Variants in EMB observed in about 807,000 individuals in gnomAD.
The protein encoded by EMB is embigin homolog.
EMB carries 31 observed loss-of-function variants against 41.4 expected under a neutral mutation model. The observed-to-expected ratio is 0.75, with a 90% confidence interval of 0.56 to 1.01. The LOEUF (loss-of-function observed/expected upper bound fraction) is 1.01. Ranked by LOEUF, EMB falls within the 50% of genes least tolerant of loss-of-function variation. The pLI, the probability that EMB is intolerant of heterozygous loss-of-function variation, is 0.00. For synonymous variants in EMB, 137 were observed against 140.4 expected, an observed-to-expected ratio of 0.98 and a Z score of 0.17; for missense variants, 379 against 388.3, an observed-to-expected ratio of 0.98 and a Z score of 0.20.
intron 2 of EMB, among the ~76,000 whole-genome samples, chr5:50,422,510 A>G (rs1384332925): frequency 6.6e-6 from 1 of 152,216 alleles, no homozygotes; most frequent in Admixed American, 6.5e-5. Context: ...TTTCAAAGCT[A>G]TCAGGAAAAG....
rs1745068310 is a variant in EMB, at chr5:50,396,512, A to G, written c.*2761T>C. 1.3e-5 allele frequency: 2 copies of G among 152,114 alleles called. No individual in the cohort carries two copies. Among genetic ancestry groups the G allele is most frequent in the South Asian group, 4.1e-4 (2 of 4,834 alleles). The allele number at this position is 152,114 out of a possible 1,614,324, so 9.4% of individuals were successfully genotyped here. ...TACCAGGTATGGGGGCTTCTCTAAG[A>G]CACAAGATCAGATTAAAGTCTTGAA... On this transcript the variant is annotated 3_prime_UTR_variant, in exon 9 of 9. Coordinates refer to ENST00000303221, the MANE Select transcript of EMB (RefSeq NM_198449.3).
rs181329455 is a variant in EMB, at chr5:50,405,962, A to G, written c.473-110T>C. 3.2e-4 allele frequency: 457 copies of G among 1,409,432 alleles called. 1 individual carries two copies. Among genetic ancestry groups the G allele is most frequent in the Admixed American group, 6.6e-4 (23 of 34,970 alleles). 87.3% of individuals were successfully genotyped at this position (1,409,432 alleles called of 1,614,324 possible). On this transcript the variant is annotated intron_variant, in intron 4 of 8. Transcript: ENST00000303221. ...ATTTTTTCATTACATTATTTTAAGT[A>G]CTTTCAGTTATATATCAATGAAACT...
At chr5:50,411,515 C>T in intron 2 of EMB, 132 bp from the exon 3 acceptor site, 1 of 649,270 alleles carries the variant, frequency 1.5e-6, no homozygotes, top group Non-Finnish European at 2.5e-6. Flanking sequence ...AGAATTATTC[C>T]TCTATCAACA....
intron 1 of EMB, among the ~76,000 whole-genome samples, chr5:50,437,294 G>A (rs11949249): frequency 0.014 from 2,105 of 152,008 alleles, 52 homozygotes; most frequent in African/African-American, 0.048. Flanking sequence ...ATGAATGAAT[G>A]AATAAATAAA....
rs1237914553 is a variant in EMB, at chr5:50,399,947, G to A, written c.912-34C>T. 8.1e-6 allele frequency: 12 copies of A among 1,481,202 alleles called. No homozygotes were observed. In the East Asian group the frequency reaches 1.4e-4, roughly 17 times the overall value. 91.8% of individuals were successfully genotyped at this position (1,481,202 alleles called of 1,614,324 possible). On this transcript the variant is annotated intron_variant, in intron 7 of 8. Transcript: ENST00000303221. The stretch of plus-strand genomic sequence containing the variant: ...AAAACAAAAAAGAAAATTACTAAAT[G>A]CTTATATTATATAAAATTAAGTCAG...
chr5:50,435,202 A>G (rs1199250544), intron 1 of EMB, among the ~76,000 whole-genome samples: 1 of 152,202 alleles, frequency 6.6e-6, no homozygotes, highest in Non-Finnish European at 1.5e-5. Flanking sequence ...CCTCTGAACC[A>G]TATGAGTAAG....
chr5:50,411,040 A>G (rs1745328100), intron 3 of EMB, 75 bp from the exon 4 acceptor site: 1 of 1,253,626 alleles, frequency 8.0e-7, no homozygotes, highest in Admixed American at 2.7e-5. Flanking sequence ...TTAGCCATTA[A>G]TAAAAATTTA....
chr5:50,407,714 A>G (rs1745269926), intron 4 of EMB, among the ~76,000 whole-genome samples: 1 of 152,010 alleles, frequency 6.6e-6, no homozygotes, highest in African/African-American at 2.4e-5. Flanking sequence ...ATTTACTAAT[A>G]TAAGGACAGT....
intron 2 of EMB, among the ~76,000 whole-genome samples, chr5:50,423,839 T>G (rs1427192326): frequency 6.6e-6 from 1 of 152,202 alleles, no homozygotes; most frequent in Non-Finnish European, 1.5e-5. Context: ...TTAAAAAAAT[T>G]ATTTTTATTC....
intron 1 of EMB, among the ~76,000 whole-genome samples, chr5:50,437,439 AAG>A (rs1320973647): frequency 6.6e-6 from 1 of 152,158 alleles, no homozygotes; most frequent in Non-Finnish European, 1.5e-5. Flanking sequence ...GCACATTCTG[AAG>A]AGTTACTCTG....
At position 50,399,107 on chromosome 5, in the gene EMB, C is replaced by T; in HGVS notation, c.*166G>A. The T allele has an allele frequency of 7.4e-6, 6 of 813,528 alleles. No homozygotes were observed. The highest frequency in any genetic ancestry group is 5.7e-5 in the South Asian group (2 of 35,278). The allele number at this position is 813,528 out of a possible 1,614,324, so 50.4% of individuals were successfully genotyped here. A position where few individuals can be genotyped will look rare whatever the true frequency, so the allele number is the denominator to read the frequency against. On this transcript the variant is annotated 3_prime_UTR_variant, in exon 9 of 9. Transcript: ENST00000303221. ...ACATAATTACAGAATGAAAATATACCTTTAGATCTGACATATATCGTTGAT... is the reference window on the plus strand; with the variant it reads ...ACATAATTACAGAATGAAAATATACTTTTAGATCTGACATATATCGTTGAT...
chr5:50,426,366 G>A (rs1267327391), intron 2 of EMB, among the ~76,000 whole-genome samples: 1 of 152,058 alleles, frequency 6.6e-6, no homozygotes, highest in Non-Finnish European at 1.5e-5. Flanking sequence ...TACAAACATG[G>A]TACATAGTCA....
At chr5:50,408,735 T>C (rs1745286264) in intron 4 of EMB, among the ~76,000 whole-genome samples, 1 of 152,046 alleles carries the variant, frequency 6.6e-6, no homozygotes. Context: ...AAGTAAACCA[T>C]ATGGAGAAAT....
At chr5:50,413,756 T>G (rs1745383167) in intron 2 of EMB, among the ~76,000 whole-genome samples, 2 of 152,136 alleles carry the variant, frequency 1.3e-5, no homozygotes, top group Admixed American at 6.5e-5. Context: ...TTTTGTATTT[T>G]TAGCAGAGAT....
At chr5:50,422,832 A>G (rs1579735528) in intron 2 of EMB, among the ~76,000 whole-genome samples, 1 of 152,194 alleles carries the variant, frequency 6.6e-6, no homozygotes, top group Non-Finnish European at 1.5e-5. Flanking sequence ...TAAGCCTAGT[A>G]CGTGGGTCAG....
intron 4 of EMB, among the ~76,000 whole-genome samples, chr5:50,406,774 CGT>C (rs1745256361): frequency 1.3e-5 from 2 of 151,782 alleles, no homozygotes; most frequent in South Asian, 2.1e-4. Context: ...TGCGCACATG[CGT>C]GTGTTTGTCT....
chr5:50,443,284 A>G (rs1361190856), upstream of EMB: 1 of 152,194 alleles, frequency 6.6e-6, no homozygotes, highest in African/African-American at 2.4e-5. Flanking sequence ...GCAGAGGCAC[A>G]TTCACGGCTC....
chr5:50,426,607 T>G lies in EMB; in HGVS notation c.196+1537A>C, dbSNP rs544539961. On this transcript the variant is annotated intron_variant, in intron 2 of 8. Coordinates refer to ENST00000303221, the MANE Select transcript of EMB (RefSeq NM_198449.3). The stretch of plus-strand genomic sequence containing the variant: ...TCTCTCTACAAGATACATTTTATCC[T>G]AACAGAGAGATTAACTTCGACAATG... Among the ~76,000 whole-genome samples the G allele has an allele frequency of 9.6e-4, 146 of 152,278 alleles. 1 individual carries two copies. Among genetic ancestry groups the G allele is most frequent in the African/African-American group, 3.0e-3 (124 of 41,558 alleles).
chr5:50,435,366 A>AG (rs1352518611), intron 1 of EMB, among the ~76,000 whole-genome samples: 5 of 152,166 alleles, frequency 3.3e-5, no homozygotes, highest in Non-Finnish European at 7.3e-5. Context: ...GTTTCAAAAA[A>AG]AAGTCCCTAT....
Sources: gnomAD v4.1 joint callset for allele counts (sites outside exome capture counted in the v4.1 genomes callset) on GRCh38, gnomAD v4.1.1 for gene constraint, MANE v1.5 for transcripts, NCBI Gene and HGNC (gene_info 2026-07-23, HGNC 2026-07-21) for gene names.